Variants in IGSF5 observed in about 807,000 individuals in gnomAD.
The protein encoded by IGSF5 is immunoglobulin superfamily 5 like.
IGSF5 carries 41 observed loss-of-function variants against 39.4 expected under a neutral mutation model. That is an observed-to-expected ratio of 1.04 (90% CI 0.81 to 1.35). The LOEUF (loss-of-function observed/expected upper bound fraction) is 1.35. IGSF5 is among the 40% of genes most tolerant of loss of function. The probability of loss-of-function intolerance (pLI) is 0.00; values close to 1 mark genes in which losing one functional copy is unlikely to be tolerated. For synonymous variants in IGSF5, 183 were observed against 175.3 expected, an observed-to-expected ratio of 1.04 and a Z score of -0.34; for missense variants, 487 against 494.6, an observed-to-expected ratio of 0.98 and a Z score of 0.15.
intron 4 of IGSF5, among the ~76,000 whole-genome samples, chr21:39,775,327 A>G (rs1183822313): frequency 6.6e-6 from 1 of 152,150 alleles, no homozygotes; most frequent in Non-Finnish European, 1.5e-5. Flanking sequence ...TCCAGAGCAC[A>G]TAGGACTGGA....
chr21:39,742,085 A>G (rs2146265997), upstream of IGSF5, among the ~76,000 whole-genome samples: 1 of 151,972 alleles, frequency 6.6e-6, no homozygotes, highest in Admixed American at 6.5e-5. Flanking sequence ...TAACTTGGAC[A>G]AAATGGGCAT....
the IGSF5 span, among the ~76,000 whole-genome samples, chr21:39,731,353 T>C: frequency 3.4e-3 from 517 of 152,324 alleles, 1 homozygote; most frequent in African/African-American, 0.012. Context: ...AGTGCGTGGC[T>C]GATAGAGCAC....
chr21:39,724,899 A>C, the IGSF5 span, among the ~76,000 whole-genome samples: 2 of 152,334 alleles, frequency 1.3e-5, no homozygotes, highest in South Asian at 2.1e-4. Context: ...AACGCCTTAC[A>C]TGCATTAATC....
intron 2 of IGSF5, among the ~76,000 whole-genome samples, chr21:39,764,528 T>TG (rs2080076546): frequency 6.6e-6 from 1 of 152,162 alleles, no homozygotes. Context: ...TCAGTAGAGA[T>TG]GGGGTTTCAC....
intron 4 of IGSF5, among the ~76,000 whole-genome samples, chr21:39,776,131 A>G (rs1450184006): frequency 2.0e-5 from 3 of 152,186 alleles, no homozygotes; most frequent in African/African-American, 7.2e-5. Context: ...AGTATACAGT[A>G]AATGCACTCT....
intron 4 of IGSF5, among the ~76,000 whole-genome samples, chr21:39,777,733 C>T (rs958820114): frequency 1.3e-5 from 2 of 152,164 alleles, no homozygotes; most frequent in African/African-American, 4.8e-5. Flanking sequence ...AAGGTGATCC[C>T]TAGACCTGGT....
chr21:39,748,220 CCTGGCTTGCAG>C (rs1353318579), intron 2 of IGSF5, among the ~76,000 whole-genome samples: 1 of 148,230 alleles, frequency 6.7e-6, no homozygotes, highest in Non-Finnish European at 1.5e-5. Flanking sequence ...GGGCTCTCTT[CCTGGCTTGCAG>C]GTGGCTTCCT....
Position 39,745,350 on chromosome 21 carries a change from T to C in IGSF5, c.-160T>C. The C allele has an allele frequency of 3.6e-6, 2 of 558,732 alleles. No homozygotes were observed. The highest frequency in any genetic ancestry group is 1.9e-5 in the African/African-American group (1 of 52,438). The allele number at this position is 558,732 out of a possible 1,614,324, so 34.6% of individuals were successfully genotyped here. A position where few individuals can be genotyped will look rare whatever the true frequency, so the allele number is the denominator to read the frequency against. Reference sequence around the variant, plus strand: ...AGCCTAGGTGCCTGAGGACGCAGCGTAGGGCTTCCTTAGATCCCTTTGGAG... The same window carrying C: ...AGCCTAGGTGCCTGAGGACGCAGCGCAGGGCTTCCTTAGATCCCTTTGGAG... On this transcript the variant is annotated 5_prime_UTR_variant, in exon 1 of 9. Coordinates refer to ENST00000380588, the MANE Select transcript of IGSF5 (RefSeq NM_001080444.2).
chr21:39,760,717 C>T (rs1002865707), intron 2 of IGSF5, among the ~76,000 whole-genome samples: 5 of 152,034 alleles, frequency 3.3e-5, no homozygotes, highest in African/African-American at 1.2e-4. Context: ...ACTACAAATG[C>T]ATGCCACCAC....
At chr21:39,718,108 A>G in the IGSF5 span, among the ~76,000 whole-genome samples, 4 of 151,898 alleles carry the variant, frequency 2.6e-5, no homozygotes, top group Admixed American at 6.6e-5. Flanking sequence ...TGTGTGTCAC[A>G]ATTGAGAGTG....
At chr21:39,765,460 C>A in intron 2 of IGSF5, 75 bp from the exon 3 acceptor site, 5 of 1,393,388 alleles carry the variant, frequency 3.6e-6, no homozygotes, top group Non-Finnish European at 5.0e-6. Flanking sequence ...CTGGTAAATA[C>A]AGAAAGGTTA....
chr21:39,782,522 T>C (rs939581797), intron 5 of IGSF5, among the ~76,000 whole-genome samples: 1 of 152,166 alleles, frequency 6.6e-6, no homozygotes, highest in African/African-American at 2.4e-5. Flanking sequence ...CTATTCCCGC[T>C]TCCCCCCAGT....
chr21:39,717,790 G>T, the IGSF5 span, among the ~76,000 whole-genome samples: 1 of 152,092 alleles, frequency 6.6e-6, no homozygotes, highest in African/African-American at 2.4e-5. Flanking sequence ...CTCCAGATTT[G>T]TTCTTTTTGC....
chr21:39,786,276 C>A (rs1321334785), intron 5 of IGSF5, among the ~76,000 whole-genome samples: 5 of 152,046 alleles, frequency 3.3e-5, no homozygotes, highest in African/African-American at 1.2e-4. Context: ...AAACAAACAA[C>A]CCTATCAAAA....
At chr21:39,734,161 A>C in the IGSF5 span, among the ~76,000 whole-genome samples, 1 of 152,206 alleles carries the variant, frequency 6.6e-6, no homozygotes, top group Non-Finnish European at 1.5e-5. Context: ...GCAGTGGCTC[A>C]CGCCTGTAAT....
chr21:39,718,539 T>C, the IGSF5 span, among the ~76,000 whole-genome samples: 2 of 152,354 alleles, frequency 1.3e-5, no homozygotes, highest in East Asian at 1.9e-4. Flanking sequence ...ACCTCGTTTA[T>C]TGAGAGTTTT....
At chr21:39,765,229 T>C (rs976962295) in intron 2 of IGSF5, among the ~76,000 whole-genome samples, 2 of 152,188 alleles carry the variant, frequency 1.3e-5, no homozygotes, top group Non-Finnish European at 2.9e-5. Context: ...TAATTACATC[T>C]GCAAAGACCC....
chr21:39,715,911 G>A, the IGSF5 span, among the ~76,000 whole-genome samples: 1 of 152,138 alleles, frequency 6.6e-6, no homozygotes, highest in African/African-American at 2.4e-5. Flanking sequence ...GGCTGGGGAG[G>A]GAACCAACCC....
At chr21:39,763,147 T>C (rs1008725261) in intron 2 of IGSF5, among the ~76,000 whole-genome samples, 2 of 152,174 alleles carry the variant, frequency 1.3e-5, no homozygotes, top group Non-Finnish European at 2.9e-5. Flanking sequence ...ATACAGCTCC[T>C]GAGTCTTGAG....
Sources: allele counts gnomAD v4.1 joint callset (sites outside exome capture counted in the v4.1 genomes callset), GRCh38; gene constraint gnomAD v4.1.1; transcripts MANE v1.5; gene names NCBI Gene and HGNC (gene_info 2026-07-23, HGNC 2026-07-21).